GALNT17: variants seen among roughly 807,000 people sequenced by gnomAD.
The protein encoded by GALNT17 is UDP-GalNAc:polypeptide N-acetylgalactosaminyltransferase-like 3.
A neutral mutation model predicts 63.7 loss-of-function variants in GALNT17; 29 were observed. The observed-to-expected ratio is 0.46, with a 90% CI of 0.34 to 0.62. The LOEUF is 0.62. Ranked by LOEUF, GALNT17 falls within the 20% of genes least tolerant of loss-of-function variation. The pLI, the probability that GALNT17 is intolerant of heterozygous loss-of-function variation, is 0.01. For synonymous variants in GALNT17, 305 were observed against 318.3 expected (o/e 0.96, Z 0.45); for missense variants, 603 against 799.6 (o/e 0.75, Z 2.97).
At chr7:71,385,720 C>A (rs1219157959) in intron 2 of GALNT17, among the ~76,000 whole-genome samples, 1 of 152,154 alleles carries the variant, frequency 6.6e-6, no homozygotes. Context: ...GCACGGTGCA[C>A]CTGGCTGCAG....
At chr7:71,339,675 G>A (rs1203391596) in intron 2 of GALNT17, among the ~76,000 whole-genome samples, 2 of 151,884 alleles carry the variant, frequency 1.3e-5, no homozygotes, top group Non-Finnish European at 2.9e-5. Flanking sequence ...GGGTGACAGA[G>A]TGAGACTCTG....
intron 2 of GALNT17, among the ~76,000 whole-genome samples, 178 bp from the exon 3 acceptor site, chr7:71,388,057 C>T (rs1792979114): frequency 6.6e-6 from 1 of 152,070 alleles, no homozygotes; most frequent in African/African-American, 2.4e-5. Context: ...TCTGTTAATG[C>T]TGTCCTCCTT....
chr7:71,369,811 CAAAAAAAAAAAA>C (rs763387719), intron 2 of GALNT17, among the ~76,000 whole-genome samples: 4 of 72,154 alleles, frequency 5.5e-5, no homozygotes, highest in South Asian at 5.4e-4. Context: ...GGCTTTTTGT[CAAAAAAAAAAAA>C]AAAAAAAAAA....
chr7:71,634,513 G>A (rs944811912), intron 6 of GALNT17, among the ~76,000 whole-genome samples: 5 of 152,128 alleles, frequency 3.3e-5, no homozygotes, highest in Non-Finnish European at 7.3e-5. Context: ...CAGAACTTCG[G>A]GAGGCTGAGG....
At chr7:71,269,585 A>G (rs1274134578) in intron 1 of GALNT17, among the ~76,000 whole-genome samples, 3 of 152,196 alleles carry the variant, frequency 2.0e-5, no homozygotes, top group African/African-American at 4.8e-5. Flanking sequence ...GGGCCATGCC[A>G]CTGCTCATCT....
intron 6 of GALNT17, among the ~76,000 whole-genome samples, chr7:71,608,036 G>T (rs1412978984): frequency 1.3e-5 from 2 of 152,136 alleles, no homozygotes; most frequent in East Asian, 3.9e-4. Flanking sequence ...GGTGACTCAG[G>T]GATCCAATCT....
In GALNT17 at chr7:71,132,570, G is replaced by A. The variant is rs576166204; in HGVS notation, c.-233G>A. ...GCGCCGTGGACTGAGCAGGCGTCTC[G>A]GGGAGCACTTCTGCAGAGCGAGGAC... On this transcript the variant is annotated 5_prime_UTR_variant, in exon 1 of 11. Coordinates refer to ENST00000333538, the MANE Select transcript of GALNT17 (RefSeq NM_022479.3). The A allele has an allele frequency of 1.5e-5, 8 of 529,236 alleles. No homozygotes were observed. The highest frequency in any genetic ancestry group is 2.7e-5 in the Non-Finnish European group (8 of 300,792). 32.8% of individuals were successfully genotyped at this position (529,236 alleles called of 1,614,324 possible). A position where few individuals can be genotyped will look rare whatever the true frequency, so the allele number is the denominator to read the frequency against.
At chr7:71,364,944 A>ATTTTTTTTG (rs1329384724) in intron 2 of GALNT17, among the ~76,000 whole-genome samples, 2 of 151,382 alleles carry the variant, frequency 1.3e-5, no homozygotes, top group African/African-American at 4.9e-5. Context: ...TATTATTTTT[A>ATTTTTTTTG]TTTTGAGATG....
chr7:71,633,129 G>A (rs1448440178), intron 6 of GALNT17, among the ~76,000 whole-genome samples: 2 of 148,838 alleles, frequency 1.3e-5, no homozygotes, highest in African/African-American at 5.0e-5. Flanking sequence ...AAAAAAAGAA[G>A]GTTGATTATT....
chr7:71,514,262 G>A (rs1383303053), intron 5 of GALNT17, among the ~76,000 whole-genome samples: 1 of 152,136 alleles, frequency 6.6e-6, no homozygotes, highest in Non-Finnish European at 1.5e-5. Flanking sequence ...AGGCATTATG[G>A]GAGCACACTG....
chr7:71,687,866 T>G lies in GALNT17; in HGVS notation c.1500+10560T>G, dbSNP rs190716103. Among the ~76,000 whole-genome samples the G allele has an allele frequency of 4.6e-5, 7 of 152,282 alleles. No individual in the cohort carries two copies. In the East Asian group the frequency reaches 7.7e-4, roughly 17 times the overall value. On this transcript the variant is annotated intron_variant, in intron 9 of 10. Transcript: ENST00000333538. The stretch of plus-strand genomic sequence containing the variant: ...GCACACCACCATGCCTAGCTAATTT[T>G]TTTGTGTTATTTGTACAGATGGGGT...
chr7:71,141,346 G>T (rs1322591267), intron 1 of GALNT17, among the ~76,000 whole-genome samples: 1 of 150,746 alleles, frequency 6.6e-6, no homozygotes, highest in Non-Finnish European at 1.5e-5. Flanking sequence ...TAGCCTGGGA[G>T]TCTGGGCGAC....
intron 5 of GALNT17, among the ~76,000 whole-genome samples, chr7:71,433,087 C>G (rs1786898323): frequency 6.6e-6 from 1 of 152,086 alleles, no homozygotes; most frequent in African/African-American, 2.4e-5. Flanking sequence ...TTACAGGAGT[C>G]AGCCACTGTG....
At chr7:71,134,613 T>G (rs1382514044) in intron 1 of GALNT17, among the ~76,000 whole-genome samples, 2 of 152,118 alleles carry the variant, frequency 1.3e-5, no homozygotes, top group Non-Finnish European at 1.5e-5. Flanking sequence ...ACGGAAGTTA[T>G]GCAGAAGCTC....
chr7:71,229,175 A>T (rs914552041), intron 1 of GALNT17, among the ~76,000 whole-genome samples: 3 of 152,156 alleles, frequency 2.0e-5, no homozygotes, highest in African/African-American at 7.2e-5. Context: ...CCATTTTATG[A>T]TCATGGGTGG....
intron 1 of GALNT17, among the ~76,000 whole-genome samples, chr7:71,185,522 C>CTTTTTT (rs747181057): frequency 9.6e-5 from 12 of 124,610 alleles, no homozygotes; most frequent in South Asian, 2.7e-4. Context: ...CGTTTCTTTT[C>CTTTTTT]TTTTTTTTTT....
intron 5 of GALNT17, among the ~76,000 whole-genome samples, chr7:71,499,394 T>G (rs1788145554): frequency 6.6e-6 from 1 of 152,160 alleles, no homozygotes; most frequent in Non-Finnish European, 1.5e-5. Flanking sequence ...GACCTCCATG[T>G]CTACAAAAAG....
chr7:71,338,624 G>T (rs1259007922), intron 2 of GALNT17, among the ~76,000 whole-genome samples: 1 of 152,082 alleles, frequency 6.6e-6, no homozygotes, highest in Non-Finnish European at 1.5e-5. Context: ...AGACAAAAGA[G>T]GATGGACATA....
intron 5 of GALNT17, among the ~76,000 whole-genome samples, chr7:71,441,031 G>GTT (rs201337709): frequency 2.0e-5 from 3 of 149,254 alleles, no homozygotes; most frequent in African/African-American, 7.4e-5. Context: ...TTTTTTTTTG[G>GTT]TTTTTTTTTG....
Sources: gnomAD v4.1 joint callset for allele counts (sites outside exome capture counted in the v4.1 genomes callset) on GRCh38, gnomAD v4.1.1 for gene constraint, MANE v1.5 for transcripts, NCBI Gene and HGNC (gene_info 2026-07-23, HGNC 2026-07-21) for gene names.